Variants in EYS observed in about 807,000 individuals in gnomAD.
EYS encodes EGF-like photoreceptor maintenance factor, also known as protein eyes shut homolog.
EYS carries 250 observed loss-of-function variants against 282.1 expected under a neutral mutation model. The observed-to-expected ratio is 0.89, with a 90% CI of 0.80 to 0.98. The LOEUF (loss-of-function observed/expected upper bound fraction) is 0.98, where lower values mean the gene tolerates loss of function less well. Among genes scored for constraint, EYS ranks in the 50% least tolerant of loss-of-function variants. The probability of loss-of-function intolerance (pLI) is 0.00; values close to 1 mark genes in which losing one functional copy is unlikely to be tolerated. For missense variants in EYS, 4,016 were observed against 3,709.0 expected, an observed-to-expected ratio of 1.08 and a Z score of -2.15; for synonymous variants, 1,355 against 1,282.9, an observed-to-expected ratio of 1.06 and a Z score of -1.20.
chr6:64,293,662 A>T (rs1025024660), intron 30 of EYS, among the ~76,000 whole-genome samples: 3 of 151,962 alleles, frequency 2.0e-5, no homozygotes, highest in Non-Finnish European at 4.4e-5. Context: ...CTTGTAGTTA[A>T]TTTTTTTTAA....
intron 26 of EYS, among the ~76,000 whole-genome samples, chr6:64,561,794 A>G (rs1342360002): frequency 2.6e-5 from 4 of 151,916 alleles, no homozygotes; most frequent in African/African-American, 9.7e-5. Flanking sequence ...CAAACTACCA[A>G]TGGCATTCTT....
intron 22 of EYS, among the ~76,000 whole-genome samples, chr6:64,718,606 A>AT (rs1257018815): frequency 1.3e-5 from 2 of 152,120 alleles, no homozygotes; most frequent in African/African-American, 4.8e-5. Context: ...TCATTGTGTG[A>AT]TTTTGCATAG....
At chr6:64,911,520 T>C (rs1583286392) in intron 16 of EYS, among the ~76,000 whole-genome samples, 1 of 152,168 alleles carries the variant, frequency 6.6e-6, no homozygotes, top group African/African-American at 2.4e-5. Flanking sequence ...GTTTAACTAA[T>C]GTCATCTAAG....
At chr6:65,481,378 T>A (rs1765601758) in intron 5 of EYS, among the ~76,000 whole-genome samples, 1 of 152,222 alleles carries the variant, frequency 6.6e-6, no homozygotes, top group Non-Finnish European at 1.5e-5. Flanking sequence ...AGCATTCAGC[T>A]CTTTTCATTT....
intron 31 of EYS, among the ~76,000 whole-genome samples, chr6:64,179,205 T>G (rs1229507723): frequency 6.6e-6 from 1 of 152,052 alleles, no homozygotes; most frequent in Non-Finnish European, 1.5e-5. Flanking sequence ...GTTTCTACTT[T>G]TTCAATTGTT....
At chr6:64,967,857 T>C (rs1389666271) in intron 14 of EYS, among the ~76,000 whole-genome samples, 1 of 152,180 alleles carries the variant, frequency 6.6e-6, no homozygotes, top group Non-Finnish European at 1.5e-5. Flanking sequence ...CAGTCTTATT[T>C]CTTGTATAAT....
rs1314192874 is a variant in EYS at position 64,766,661 on chromosome 6, T to TATATATATATATAG, written c.3443+46716_3443+46717insCTATATATATATAT. Among the ~76,000 whole-genome samples, 44 of 65,102 alleles carry TATATATATATATAG rather than the reference T, an allele frequency of 6.8e-4. 2 individuals carry two copies. The highest frequency in any genetic ancestry group is 3.1e-3 in the African/African-American group (43 of 13,764). 42.7% of individuals were successfully genotyped at this position (65,102 alleles called of 152,430 possible). A position where few individuals can be genotyped will look rare whatever the true frequency, so the allele number is the denominator to read the frequency against. On this transcript the variant is annotated intron_variant, in intron 22 of 42. Coordinates refer to ENST00000503581, the MANE Select transcript of EYS (RefSeq NM_001142800.2). Reference sequence around the variant, plus strand: ...AAAAAAAAAAAAAAATATATATATATATATATATATATATATATATATAAA... The same window carrying TATATATATATATAG: ...AAAAAAAAAAAAAAATATATATATATATATATATATATAGATATATATATATATATATATATAAA...
intron 36 of EYS, among the ~76,000 whole-genome samples, chr6:63,831,416 C>A (rs919053935): frequency 6.6e-6 from 1 of 152,106 alleles, no homozygotes; most frequent in African/African-American, 2.4e-5. Context: ...GAGTTGCAAT[C>A]CTAGTCTCTG....
chr6:64,451,574 C>T (rs1159133106), intron 26 of EYS, among the ~76,000 whole-genome samples: 1 of 152,112 alleles, frequency 6.6e-6, no homozygotes, highest in Non-Finnish European at 1.5e-5. Flanking sequence ...AATTTTAGAC[C>T]AATATCCTTG....
At chr6:64,906,026 T>C (rs985581720) in intron 16 of EYS, among the ~76,000 whole-genome samples, 6 of 151,606 alleles carry the variant, frequency 4.0e-5, no homozygotes, top group African/African-American at 9.6e-5. Flanking sequence ...CTAATTTCTC[T>C]GGATTTAAAA....
intron 13 of EYS, among the ~76,000 whole-genome samples, chr6:65,037,330 G>A (rs962946762): frequency 1.3e-5 from 2 of 151,622 alleles, no homozygotes; most frequent in African/African-American, 4.8e-5. Flanking sequence ...TGGGAGGAGG[G>A]CAAGGATCAA....
chr6:64,498,010 G>C (rs1178175781), intron 26 of EYS, among the ~76,000 whole-genome samples: 1 of 151,918 alleles, frequency 6.6e-6, no homozygotes, highest in East Asian at 1.9e-4. Context: ...TTCCATCTTG[G>C]GTATAGTTAG....
intron 22 of EYS, among the ~76,000 whole-genome samples, chr6:64,710,687 C>A (rs60496485): frequency 0.038 from 5,728 of 152,278 alleles, 239 homozygotes; most frequent in East Asian, 0.14. Context: ...ATAGTCACCA[C>A]CTTGCTTCCT....
chr6:63,788,069 T>C, intron 39 of EYS, 36 bp downstream of exon 39: 5 of 1,438,720 alleles, frequency 3.5e-6, no homozygotes, highest in Non-Finnish European at 3.7e-6. Context: ...ACATTTGAAA[T>C]AAGTAGGTAT....
chr6:64,013,375 G>A lies in EYS; in HGVS notation c.6726-14192C>T, dbSNP rs557377186. 3.1e-4 allele frequency among the ~76,000 whole-genome samples: 47 copies of A among 152,190 alleles called. 1 individual carries two copies. The highest frequency in any genetic ancestry group is 9.6e-4 in the African/African-American group (40 of 41,524). Reference sequence around the variant, plus strand: ...CAGAATTCTCTTGTTTTCTTTAGCCGGTAAAAGCATTCATATAATGACAAT... The same window carrying A: ...CAGAATTCTCTTGTTTTCTTTAGCCAGTAAAAGCATTCATATAATGACAAT... On this transcript the variant is annotated intron_variant, in intron 33 of 42. Transcript: ENST00000503581.
intron 10 of EYS, among the ~76,000 whole-genome samples, chr6:65,340,465 G>T (rs1348550848): frequency 6.6e-6 from 1 of 150,988 alleles, no homozygotes; most frequent in Admixed American, 6.6e-5. Context: ...CTGAGAAAAA[G>T]CAAGACTAAC....
chr6:65,602,925 A>G (rs936456692), intron 2 of EYS, among the ~76,000 whole-genome samples: 8 of 151,964 alleles, frequency 5.3e-5, no homozygotes, highest in African/African-American at 1.9e-4. Flanking sequence ...TGCTCCACTC[A>G]AATATTTAGG....
chr6:63,912,311 A>G (rs1204113020), intron 35 of EYS, among the ~76,000 whole-genome samples: 1 of 152,192 alleles, frequency 6.6e-6, no homozygotes, highest in Non-Finnish European at 1.5e-5. Context: ...GGGCTATTCA[A>G]TATGCAGATA....
At chr6:65,558,800 C>A (rs1203943664) in intron 2 of EYS, among the ~76,000 whole-genome samples, 2 of 152,188 alleles carry the variant, frequency 1.3e-5, no homozygotes, top group African/African-American at 4.8e-5. Flanking sequence ...GGAGAACACA[C>A]AGAGGATAAT....
Sources: gnomAD v4.1 joint callset for allele counts (sites outside exome capture counted in the v4.1 genomes callset) on GRCh38, gnomAD v4.1.1 for gene constraint, MANE v1.5 for transcripts, NCBI Gene and HGNC (gene_info 2026-07-23, HGNC 2026-07-21) for gene names.